Variants in APOBEC3B observed in about 807,000 individuals in gnomAD.
The protein encoded by APOBEC3B is apolipoprotein B mRNA editing enzyme catalytic subunit 3B.
Under a neutral mutation model 53.4 loss-of-function variants are expected in APOBEC3B, and 29 were observed. That is an observed-to-expected ratio of 0.54 (90% confidence interval 0.40 to 0.74). The LOEUF (loss-of-function observed/expected upper bound fraction) is 0.74. Among genes scored for constraint, APOBEC3B ranks in the 30% least tolerant of loss-of-function variants. APOBEC3B has a pLI of 0.00. For synonymous variants in APOBEC3B, 132 were observed against 184.8 expected (o/e 0.71, Z 2.32); for missense variants, 347 against 496.2 (o/e 0.70, Z 2.86).
At position 38,984,137 on chromosome 22, in the gene APOBEC3B, T is replaced by G. The variant is rs1040360982; in HGVS notation, c.80T>G (p.Leu27Arg). The change falls in exon 2 of 8, where the codon CTC (leucine) becomes CGC (arginine). Residue 27 changes from leucine to arginine, a missense_variant. Leu to Arg is a moderately radical substitution (Grantham distance 102, BLOSUM62 -2). Around this residue, in one of 5 missense-constraint regions of APOBEC3B, gnomAD observed 73 missense variants for 90.9 expected, o/e 0.80. Transcript: ENST00000333467. ...FYDNFENEPILYGRSYTWLCY... is the reference protein window; with the variant it reads ...FYDNFENEPIRYGRSYTWLCY... Reference sequence around the variant, plus strand: ...GACAACTTTGAAAACGAACCCATCCTCTATGGTCGGAGCTACACTTGGCTG... The same window carrying G: ...GACAACTTTGAAAACGAACCCATCCGCTATGGTCGGAGCTACACTTGGCTG... 6.3e-7 allele frequency: 1 copy of G among 1,591,380 alleles called. No individual in the cohort carries two copies. The highest frequency in any genetic ancestry group is 1.3e-5 in the African/African-American group (1 of 74,184).
At chr22:38,989,977 C>G (rs1309804026) in intron 5 of APOBEC3B, among the ~76,000 whole-genome samples, 1 of 144,464 alleles carries the variant, frequency 6.9e-6, no homozygotes, top group Non-Finnish European at 1.5e-5. Context: ...GAGAGACAGA[C>G]TGGGGCAGGA....
In APOBEC3B at chr22:38,990,897, G is replaced by C. The variant is rs997538931; in HGVS notation, c.724-435G>C. Among the ~76,000 whole-genome samples, 6 of 146,638 alleles carry C rather than the reference G, an allele frequency of 4.1e-5. 1 individual carries two copies. Among genetic ancestry groups the C allele is most frequent in the East Asian group, 4.5e-4 (2 of 4,396 alleles). ...TGGGTCTGGGGTGAGGGTCCTGAAGGCTCTGACCTTGGGTACAAAATTGAT... is the reference window on the plus strand; with the variant it reads ...TGGGTCTGGGGTGAGGGTCCTGAAGCCTCTGACCTTGGGTACAAAATTGAT... On this transcript the variant is annotated intron_variant, in intron 5 of 7. Coordinates refer to ENST00000333467, the MANE Select transcript of APOBEC3B (RefSeq NM_004900.5).
Position 38,991,563 on chromosome 22 carries a change from T to C in APOBEC3B, c.955T>C (p.Tyr319His), listed in dbSNP as rs1450356902. 7 of 1,592,182 alleles carry C rather than the reference T, an allele frequency of 4.4e-6. No individual in the cohort carries two copies. Among genetic ancestry groups the C allele is most frequent in the Admixed American group, 1.8e-5 (1 of 55,916 alleles). The change falls in exon 6 of 8, where the codon TAT (tyrosine) becomes CAT (histidine). Residue 319 changes from tyrosine to histidine, a missense_variant. Physicochemically the swap from Tyr to His is moderately conservative, Grantham distance 83. This residue lies in a region of APOBEC3B where 78 missense variants were observed against 103.9 expected (regional missense o/e 0.75). Coordinates refer to ENST00000333467, the MANE Select transcript of APOBEC3B (RefSeq NM_004900.5). ...CCGCATCTATGATTACGACCCCCTA[T>C]ATAAGGAGGCGCTGCAAATGCTGCG... ...AARIYDYDPL[Y>H]KEALQMLRDA...
Position 38,986,394 on chromosome 22 carries a change from C to T in APOBEC3B, c.551C>T (p.Thr184Met). Residue 184 changes from threonine to methionine, a missense_variant, in exon 4 of 8, where the codon ACG becomes ATG. Coordinates refer to ENST00000333467, the MANE Select transcript of APOBEC3B (RefSeq NM_004900.5). ...GAAAATTATGCATTCCTGCACCGCA[C>T]GCTAAAGGAGATTCTCAGGTGAGGG... is the stretch of plus-strand genomic sequence containing the variant. Reference protein sequence around the residue: ...FDENYAFLHRTLKEILRYLMD... With the variant: ...FDENYAFLHRMLKEILRYLMD... The T allele has an allele frequency of 6.3e-7, 1 of 1,593,634 alleles. No homozygotes were observed. Among genetic ancestry groups the T allele is most frequent in the Non-Finnish European group, 8.5e-7 (1 of 1,172,444 alleles).
At chr22:38,988,687 T>TTTCTC (rs1491021212) in intron 4 of APOBEC3B, among the ~76,000 whole-genome samples, 3,509 of 44,924 alleles carry the variant, frequency 0.078, 572 homozygotes, top group East Asian at 0.17. Flanking sequence ...CTCTTTCTCT[T>TTTCTC]TCTTTCTTTC....
In APOBEC3B at chr22:38,984,145, C is replaced by T. The variant is rs549284303; in HGVS notation, c.88C>T (p.Arg30Trp). ...NFENEPILYGRSYTWLCYEVK... is the reference protein window; with the variant it reads ...NFENEPILYGWSYTWLCYEVK... The stretch of plus-strand genomic sequence containing the variant: ...TGAAAACGAACCCATCCTCTATGGT[C>T]GGAGCTACACTTGGCTGTGCTATGA... The change falls in exon 2 of 8, where the codon CGG (arginine) becomes TGG (tryptophan). Residue 30 changes from arginine (R) to tryptophan (W), a missense_variant. By Grantham distance (101) the Arg-to-Trp change is moderately radical. Coordinates refer to ENST00000333467, the MANE Select transcript of APOBEC3B (RefSeq NM_004900.5). The T allele has an allele frequency of 2.1e-5, 34 of 1,591,770 alleles. 3 individuals are homozygous for T. Among genetic ancestry groups the T allele is most frequent in the Middle Eastern group, 1.7e-4 (1 of 5,802 alleles).
intron 2 of APOBEC3B, among the ~76,000 whole-genome samples, chr22:38,984,895 C>CT (rs11308471): frequency 0.042 from 3,546 of 84,794 alleles, 214 homozygotes; most frequent in Non-Finnish European, 0.061. Flanking sequence ...TCTTTTTTTC[C>CT]TTTTTTTTTT....
intron 4 of APOBEC3B, 108 bp downstream of exon 4, chr22:38,986,520 C>A: frequency 7.7e-7 from 1 of 1,294,646 alleles, no homozygotes; most frequent in Non-Finnish European, 1.1e-6. Flanking sequence ...CACTGCCTGC[C>A]CTCATGGTCA....
chr22:38,984,180 A>G lies in APOBEC3B; in HGVS notation c.123A>G (p.Ile41Met), dbSNP rs776032853. ...SYTWLCYEVK[I>M]KRGRSNLLWD... ...CTTGGCTGTGCTATGAAGTGAAAAT[A>G]AAGAGGGGCCGCTCAAATCTCCTTT... The change falls in exon 2 of 8, where the codon ATA (isoleucine) becomes ATG (methionine). Residue 41 changes from isoleucine (I) to methionine (M), a missense_variant. Physicochemically the swap from Ile to Met is conservative, Grantham distance 10. Transcript: ENST00000333467. 6 of 1,592,680 alleles carry G rather than the reference A, an allele frequency of 3.8e-6. No homozygotes were observed. The Admixed American group carries it at 8.9e-5, about 24-fold the overall frequency.
rs564445650 is a variant in APOBEC3B, at chr22:38,986,940, C to T, written c.569+528C>T. Among the ~76,000 whole-genome samples, 882 of 146,442 alleles carry T rather than the reference C, an allele frequency of 6.0e-3. 53 individuals carry two copies. The highest frequency in any genetic ancestry group is 0.021 in the African/African-American group (848 of 40,288). On this transcript the variant is annotated intron_variant, in intron 4 of 7. Transcript: ENST00000333467. ...CACATAGCTGCTGGGTGGCTGGGGA[C>T]GGGGGGGGTCCCTGGGATGATTCCT...
At chr22:38,986,839 C>T (rs1603267978) in intron 4 of APOBEC3B, among the ~76,000 whole-genome samples, 1 of 148,548 alleles carries the variant, frequency 6.7e-6, no homozygotes, top group South Asian at 2.2e-4. Context: ...ACCCGCTATT[C>T]CTCCCTCCAA....
At chr22:38,983,815 C>G (rs991902684) in intron 1 of APOBEC3B, among the ~76,000 whole-genome samples, 1 of 148,632 alleles carries the variant, frequency 6.7e-6, no homozygotes, top group Non-Finnish European at 1.5e-5. Flanking sequence ...GGCAGAAATA[C>G]TAGGAGGGTG....
chr22:38,982,823 G>T lies in APOBEC3B; in HGVS notation c.17+353G>T, dbSNP rs1923587672. 3.4e-5 allele frequency among the ~76,000 whole-genome samples: 5 copies of T among 149,018 alleles called. 1 individual carries two copies. The South Asian group carries it at 1.1e-3, about 33-fold the overall frequency. On this transcript the variant is annotated intron_variant, in intron 1 of 7. Transcript: ENST00000333467. ...GGAGAATTGAACCAAAGGGTAATTGGAGCAATCAGGCATTTTTGTTCTCAG... is the reference window on the plus strand; with the variant it reads ...GGAGAATTGAACCAAAGGGTAATTGTAGCAATCAGGCATTTTTGTTCTCAG...
At chr22:38,989,747 C>T (rs1923916816) in intron 5 of APOBEC3B, 137 bp downstream of exon 5, 1 of 970,050 alleles carries the variant, frequency 1.0e-6, no homozygotes, top group African/African-American at 1.6e-5. Flanking sequence ...GCTGCTTGGC[C>T]CTGGAGTTGG....
At chr22:38,988,898 T>G (rs956465903) in intron 4 of APOBEC3B, among the ~76,000 whole-genome samples, 2 of 146,242 alleles carry the variant, frequency 1.4e-5, no homozygotes, top group African/African-American at 5.0e-5. Flanking sequence ...AGCTGCCCCA[T>G]CTGGCCTGAG....
Position 38,989,478 on chromosome 22 carries a change from A to G in APOBEC3B, c.591A>G (p.Thr197=), listed in dbSNP as rs757772312. The G allele has an allele frequency of 6.3e-7, 1 of 1,579,934 alleles. No homozygotes were observed. ...ACAGATACCTGATGGATCCAGACAC[A>G]TTCACTTTCAACTTTAATAATGACC... is the stretch of plus-strand genomic sequence containing the variant. ...EILRYLMDPD[T]FTFNFNNDPL... The change falls in exon 5 of 8, where the codon ACA becomes ACG. Residue 197 remains threonine (T), a synonymous_variant. Transcript: ENST00000333467.
In APOBEC3B at chr22:38,986,206, C is replaced by T. The variant is rs1923732641; in HGVS notation, c.455-92C>T. 1.0e-5 allele frequency: 16 copies of T among 1,583,126 alleles called. 2 individuals are homozygous for T. The South Asian group carries it at 1.7e-4, about 17-fold the overall frequency. ...GGGCAGCCTGCAGGGGTGGGACTGG[C>T]ACTGACTGCAACTGACAGCCAGGAG... On this transcript the variant is annotated intron_variant, in intron 3 of 7. Transcript: ENST00000333467.
chr22:38,985,994 T>A lies in APOBEC3B; in HGVS notation c.357T>A (p.Ser119=). The part of the protein sequence containing the change: ...SEHPNVTLTI[S]AARLYYYWER... The stretch of plus-strand genomic sequence containing the variant: ...ACCCCAATGTCACCCTGACCATCTC[T>A]GCCGCCCGCCTCTACTACTACTGGG... The change falls in exon 3 of 8, where the codon TCT becomes TCA. Residue 119 remains serine, a synonymous_variant. Transcript: ENST00000333467. The A allele has an allele frequency of 2.5e-6, 4 of 1,578,866 alleles. No homozygotes were observed. The highest frequency in any genetic ancestry group is 2.6e-6 in the Non-Finnish European group (3 of 1,163,702).
Position 38,986,481 on chromosome 22 carries a change from G to T in APOBEC3B, c.569+69G>T, listed in dbSNP as rs1923745735. 2 of 1,533,122 alleles carry T rather than the reference G, an allele frequency of 1.3e-6. 1 individual carries two copies. Among genetic ancestry groups the T allele is most frequent in the Non-Finnish European group, 1.8e-6 (2 of 1,132,766 alleles). The allele number at this position is 1,533,122 out of a possible 1,614,324, so 95.0% of individuals were successfully genotyped here. ...GCTCATCCTCCTGAGGCCTCCGTTG[G>T]CCTGGCCCTCCCGCCCTCCCTCTTG... On this transcript the variant is annotated intron_variant, in intron 4 of 7. Coordinates refer to ENST00000333467, the MANE Select transcript of APOBEC3B (RefSeq NM_004900.5).
Sources: gnomAD v4.1 joint callset for allele counts (sites outside exome capture counted in the v4.1 genomes callset) on GRCh38, gnomAD v4.1.1 for gene constraint, gnomAD v4.1.1 regional missense constraint, MANE v1.5 for transcripts, NCBI Gene and HGNC (gene_info 2026-07-23, HGNC 2026-07-21) for gene names.